The following TIPRL variants were observed in gnomAD, a reference collection of about 807,000 sequenced individuals.
TIPRL encodes the protein TIP41-like protein.
Under a neutral mutation model 32.3 loss-of-function variants are expected in TIPRL, and 10 were observed. That is an observed-to-expected ratio of 0.31 (90% CI 0.19 to 0.52). The LOEUF is 0.52. TIPRL is among the 20% of genes least tolerant of loss of function. The probability of loss-of-function intolerance (pLI) is 0.96; values close to 1 mark genes in which losing one functional copy is unlikely to be tolerated. For missense variants in TIPRL, 250 were observed against 328.1 expected (o/e 0.76, Z 1.84); for synonymous variants, 100 against 114.0 (o/e 0.88, Z 0.78).
intron 3 of TIPRL, among the ~76,000 whole-genome samples, chr1:168,186,524 G>A: frequency 6.6e-6 from 1 of 152,082 alleles, no homozygotes; most frequent in East Asian, 1.9e-4. Flanking sequence ...ATAAAATAAA[G>A]CAAATTTGGT....
chr1:168,199,884 T>C lies in TIPRL; in HGVS notation c.676-19T>C, dbSNP rs1477562498. 1.2e-6 allele frequency: 2 copies of C among 1,605,166 alleles called. No homozygotes were observed. The highest frequency in any genetic ancestry group is 8.5e-7 in the Non-Finnish European group (1 of 1,176,122). On this transcript the variant is annotated intron_variant, in intron 6 of 6. Transcript: ENST00000367833. ...AGTACAGTAACTGAATATGCTAATA[T>C]GATTTATGTATTTCCTAGCATGTTC... is the stretch of plus-strand genomic sequence containing the variant.
chr1:168,183,898 A>G lies in TIPRL; in HGVS notation c.105-4A>G, dbSNP rs759291088. On this transcript the variant is annotated splice_polypyrimidine_tract_variant and splice_region_variant and intron_variant, in intron 1 of 6. Coordinates refer to ENST00000367833, the MANE Select transcript of TIPRL (RefSeq NM_152902.5). ...TATCTCACCCGACTTTTGGTTACGT[A>G]TAGATTAGCCGATGAATTACATATG... 14 of 1,611,424 alleles carry G rather than the reference A, an allele frequency of 8.7e-6. No individual in the cohort carries two copies. In the South Asian group the frequency reaches 1.2e-4, roughly 14 times the overall value.
chr1:168,179,710 C>G (rs557328139), intron 1 of TIPRL, among the ~76,000 whole-genome samples: 2 of 152,200 alleles, frequency 1.3e-5, no homozygotes, highest in South Asian at 4.2e-4. Flanking sequence ...TTTAGGGGCT[C>G]GAACCATCTG....
intron 4 of TIPRL, 57 bp from the exon 5 acceptor site, chr1:168,196,490 G>A (rs918350627): frequency 2.8e-5 from 35 of 1,254,402 alleles, no homozygotes; most frequent in South Asian, 1.0e-4. Context: ...TTTCAGCAAA[G>A]TAATAAAATG....
intron 1 of TIPRL, among the ~76,000 whole-genome samples, chr1:168,181,316 G>A (rs1267710151): frequency 1.3e-5 from 2 of 151,666 alleles, no homozygotes; most frequent in Non-Finnish European, 2.9e-5. Flanking sequence ...GGGTTCAAGC[G>A]ATTCTCCTGC....
intron 5 of TIPRL, among the ~76,000 whole-genome samples, chr1:168,198,700 G>T (rs1270991125): frequency 6.6e-6 from 1 of 152,000 alleles, no homozygotes; most frequent in Non-Finnish European, 1.5e-5. Flanking sequence ...TATAAAATCT[G>T]TTTACATATG....
At chr1:168,186,832 C>T (rs556550496) in intron 3 of TIPRL, among the ~76,000 whole-genome samples, 1 of 152,216 alleles carries the variant, frequency 6.6e-6, no homozygotes, top group African/African-American at 2.4e-5. Context: ...GACTCCATCT[C>T]AAAACAAGGA....
At position 168,190,709 on chromosome 1, in the gene TIPRL, G is replaced by A. The variant is rs376484388; in HGVS notation, c.385-660G>A. Among the ~76,000 whole-genome samples the A allele has an allele frequency of 1.6e-4, 24 of 152,320 alleles. No homozygotes were observed. The East Asian group carries it at 2.9e-3, about 18-fold the overall frequency. On this transcript the variant is annotated intron_variant, in intron 3 of 6. Coordinates refer to ENST00000367833, the MANE Select transcript of TIPRL (RefSeq NM_152902.5). The stretch of plus-strand genomic sequence containing the variant: ...TGGGTGCTGCTCAGGAGACACTTGA[G>A]TTTAATGAGCTCCTGATATGATCTG...
intron 4 of TIPRL, 94 bp from the exon 5 acceptor site, chr1:168,196,449 GTTTT>G: frequency 1.3e-6 from 1 of 750,292 alleles, no homozygotes; most frequent in Non-Finnish European, 1.9e-6. Context: ...TTATTCCAGG[GTTTT>G]TTTGTTTTTT....
intron 5 of TIPRL, among the ~76,000 whole-genome samples, chr1:168,197,032 G>T (rs1425260949): frequency 1.3e-5 from 2 of 152,186 alleles, no homozygotes; most frequent in Admixed American, 6.5e-5. Flanking sequence ...ATCAGGCCAA[G>T]GCCGGGCGCC....
intron 1 of TIPRL, among the ~76,000 whole-genome samples, chr1:168,180,097 C>T (rs1177185136): frequency 1.3e-5 from 2 of 152,144 alleles, no homozygotes; most frequent in Non-Finnish European, 2.9e-5. Context: ...ATCAGATGTA[C>T]GCTCTGAAAG....
In TIPRL at chr1:168,201,770, C is replaced by CGTGTGTGTGTGTGTGTGTGTGT. The variant is rs71981720; in HGVS notation, c.*1739_*1760dup. On this transcript the variant is annotated 3_prime_UTR_variant, in exon 7 of 7. Coordinates refer to ENST00000367833, the MANE Select transcript of TIPRL (RefSeq NM_152902.5). ...ATTAATTGGAGCTTCTGGGCAACATCGTGTGTGTGTGTGTGTGTGTGTGTG... is the reference window on the plus strand; with the variant it reads ...ATTAATTGGAGCTTCTGGGCAACATCGTGTGTGTGTGTGTGTGTGTGTGTGTGTGTGTGTGTGTGTGTGTGTG... 1 of 142,970 alleles carries CGTGTGTGTGTGTGTGTGTGTGT rather than the reference C, an allele frequency of 7.0e-6. No homozygotes were observed. The allele number at this position is 142,970 out of a possible 1,614,324, so 8.9% of individuals were successfully genotyped here. A position where few individuals can be genotyped will look rare whatever the true frequency, so the allele number is the denominator to read the frequency against.
At chr1:168,198,756 T>A (rs752008378) in intron 5 of TIPRL, among the ~76,000 whole-genome samples, 163 bp from the exon 6 acceptor site, 22 of 152,212 alleles carry the variant, frequency 1.4e-4, no homozygotes, top group Non-Finnish European at 2.6e-4. Flanking sequence ...ATAATCCAAT[T>A]TGAGTTAAAT....
chr1:168,179,306 C>G lies in TIPRL; in HGVS notation c.104+125C>G, dbSNP rs1046357738. On this transcript the variant is annotated intron_variant, in intron 1 of 6. Coordinates refer to ENST00000367833, the MANE Select transcript of TIPRL (RefSeq NM_152902.5). ...GGAGGTTCGGTCCCTCCGGACCGGA[C>G]CTTTGATTGACAACTTCGATAAATA... The G allele has an allele frequency of 8.5e-5, 63 of 737,252 alleles. No individual in the cohort carries two copies. The Admixed American group carries it at 1.8e-3, about 22-fold the overall frequency. 45.7% of individuals were successfully genotyped at this position (737,252 alleles called of 1,614,324 possible).
intron 3 of TIPRL, among the ~76,000 whole-genome samples, chr1:168,187,551 C>T (rs1423664523): frequency 2.0e-5 from 3 of 152,152 alleles, no homozygotes; most frequent in African/African-American, 7.2e-5. Flanking sequence ...CAGGCTTTGG[C>T]AAAACACAGA....
chr1:168,190,221 C>T (rs1471833553), intron 3 of TIPRL, among the ~76,000 whole-genome samples: 2 of 152,160 alleles, frequency 1.3e-5, no homozygotes, highest in African/African-American at 2.4e-5. Flanking sequence ...CAGTTTTCAC[C>T]TCAAGAGTGG....
At chr1:168,198,157 C>T (rs1700177103) in intron 5 of TIPRL, among the ~76,000 whole-genome samples, 1 of 152,100 alleles carries the variant, frequency 6.6e-6, no homozygotes, top group South Asian at 2.1e-4. Flanking sequence ...TATGAATCTA[C>T]TTACATAAGA....
rs557938265 is a variant in TIPRL, at chr1:168,184,472, CA to C, written c.285-304del. On this transcript the variant is annotated intron_variant, in intron 2 of 6. Coordinates refer to ENST00000367833, the MANE Select transcript of TIPRL (RefSeq NM_152902.5). ...AGACAACATGTTTTTCTTTGATAGT[CA>C]AATCAGCAATTATTTACTTTGTGCC... Among the ~76,000 whole-genome samples the C allele has an allele frequency of 1.5e-3, 234 of 152,204 alleles. 2 individuals are homozygous for C. Among genetic ancestry groups the C allele is most frequent in the African/African-American group, 5.4e-3 (224 of 41,526 alleles).
intron 4 of TIPRL, among the ~76,000 whole-genome samples, chr1:168,194,560 A>G (rs762013467): frequency 9.9e-5 from 15 of 152,254 alleles, no homozygotes; most frequent in Non-Finnish European, 2.9e-5. Flanking sequence ...CAGTTTTTCC[A>G]TAAATTACAC....
Sources: allele counts gnomAD v4.1 joint callset (sites outside exome capture counted in the v4.1 genomes callset), GRCh38; gene constraint gnomAD v4.1.1; transcripts MANE v1.5; gene names NCBI Gene and HGNC (gene_info 2026-07-23, HGNC 2026-07-21).